Variants in ZKSCAN7 observed in about 807,000 individuals in gnomAD.
The protein encoded by ZKSCAN7 is zinc finger protein with KRAB and SCAN domains 7.
A neutral mutation model predicts 65.3 loss-of-function variants in ZKSCAN7; 38 were observed. The observed-to-expected ratio is 0.58, with a 90% CI of 0.45 to 0.76. ZKSCAN7 has a LOEUF of 0.76. Ranked by LOEUF, ZKSCAN7 falls within the 30% of genes least tolerant of loss-of-function variation. ZKSCAN7 has a pLI of 0.00. For missense variants in ZKSCAN7, 815 were observed against 913.3 expected (o/e 0.89, Z 1.39); for synonymous variants, 321 against 321.0 (o/e 1.00, Z 0.00).
At chr3:44,565,751 C>A (rs1699614592) in intron 3 of ZKSCAN7, 96 bp downstream of exon 3, 2 of 1,258,916 alleles carry the variant, frequency 1.6e-6, no homozygotes, top group Middle Eastern at 5.2e-4. Context: ...TCCATGGAAT[C>A]CCTCATTGCT....
intron 2 of ZKSCAN7, among the ~76,000 whole-genome samples, chr3:44,561,705 G>A (rs1235782584): frequency 3.3e-5 from 5 of 152,148 alleles, no homozygotes; most frequent in African/African-American, 1.2e-4. Flanking sequence ...GGGGTTACAT[G>A]TCCCATGCAA....
In ZKSCAN7 at chr3:44,571,199, G is replaced by C. The variant is rs755725885; in HGVS notation, c.2089G>C (p.Gly697Arg). The C allele has an allele frequency of 1.9e-6, 3 of 1,614,160 alleles. No individual in the cohort carries two copies. The Admixed American group carries it at 5.0e-5, about 27-fold the overall frequency. ...AAAACCCTATAAATGCAATGATTGTGGGAAAGCTTTTAGTGACAGCTCACA... is the reference window on the plus strand; with the variant it reads ...AAAACCCTATAAATGCAATGATTGTCGGAAAGCTTTTAGTGACAGCTCACA... Reference protein sequence around the residue: ...GEKPYKCNDCGKAFSDSSQLI... With the variant: ...GEKPYKCNDCRKAFSDSSQLI... The change falls in exon 6 of 6, where the codon GGG becomes CGG. Residue 697 changes from glycine to arginine, a missense_variant. Physicochemically the swap from Gly to Arg is moderately radical, Grantham distance 125 (BLOSUM62 -2). This residue lies in a region of ZKSCAN7 where 578 missense variants were observed against 629.5 expected (regional missense o/e 0.92). Transcript: ENST00000426540.
chr3:44,557,612 A>G, intron 2 of ZKSCAN7, 142 bp downstream of exon 2: 1 of 1,143,288 alleles, frequency 8.7e-7, no homozygotes, highest in East Asian at 2.6e-5. Flanking sequence ...GAGGGAAAAT[A>G]GTTTTGTGCT....
Position 44,555,238 on chromosome 3 carries a change from T to G in ZKSCAN7, c.-362T>G, listed in dbSNP as rs1379607166. 6 of 152,256 alleles carry G rather than the reference T, an allele frequency of 3.9e-5. No homozygotes were observed. The highest frequency in any genetic ancestry group is 3.9e-4 in the Admixed American group (6 of 15,292). The allele number at this position is 152,256 out of a possible 1,614,324, so 9.4% of individuals were successfully genotyped here. A position where few individuals can be genotyped will look rare whatever the true frequency, so the allele number is the denominator to read the frequency against. On this transcript the variant is annotated 5_prime_UTR_variant, in exon 1 of 6. Coordinates refer to ENST00000426540, the MANE Select transcript of ZKSCAN7 (RefSeq NM_001288590.2). ...TTTTGGTCTAACGGGCAGTAGAGTG[T>G]CCGGCTTCGGTGCCGAGTGCCACCG... is the stretch of plus-strand genomic sequence containing the variant.
downstream of ZKSCAN7, among the ~76,000 whole-genome samples, chr3:44,576,900 TGTGAAAGA>T (rs1366998402): frequency 4.6e-5 from 7 of 152,306 alleles, no homozygotes; most frequent in Non-Finnish European, 8.8e-5. Context: ...ATAGCTTGGT[TGTGAAAGA>T]ACTGAATGTG....
chr3:44,562,574 T>C (rs543127066), intron 2 of ZKSCAN7, among the ~76,000 whole-genome samples: 1 of 152,374 alleles, frequency 6.6e-6, no homozygotes, highest in African/African-American at 2.4e-5. Flanking sequence ...ATTTTTATGC[T>C]CTGCTTCCCT....
chr3:44,570,038 G>T lies in ZKSCAN7; in HGVS notation c.928G>T (p.Glu310Ter). 2.5e-6 allele frequency: 4 copies of T among 1,614,010 alleles called. No individual in the cohort carries two copies. Among genetic ancestry groups the T allele is most frequent in the Non-Finnish European group, 3.4e-6 (4 of 1,179,980 alleles). The part of the protein sequence containing the change: ...GLFGVVPGAA[E>*]TGDVCEDTFK... Reference sequence around the variant, plus strand: ...CTTTGGGGTGGTTCCTGGGGCAGCAGAGACTGGAGATGTTTGTGAAGATAC... The same window carrying T: ...CTTTGGGGTGGTTCCTGGGGCAGCATAGACTGGAGATGTTTGTGAAGATAC... The change falls in exon 6 of 6, where the codon GAG (glutamate) becomes TAG (stop). Residue 310 changes from glutamate (E) to a stop codon, truncating the protein, a stop_gained. Transcript: ENST00000426540. LOFTEE classifies it high-confidence loss of function.
At chr3:44,563,502 A>G (rs1391046256) in intron 2 of ZKSCAN7, among the ~76,000 whole-genome samples, 3 of 152,218 alleles carry the variant, frequency 2.0e-5, no homozygotes, top group South Asian at 2.1e-4. Context: ...ACTTAAAATC[A>G]TAGTGGAAGT....
In ZKSCAN7 at chr3:44,557,395, G is replaced by T. The variant is rs764595924; in HGVS notation, c.348G>T (p.Leu116=). The T allele has an allele frequency of 2.3e-5, 37 of 1,614,116 alleles. No homozygotes were observed. Among genetic ancestry groups the T allele is most frequent in the Non-Finnish European group, 3.1e-5 (36 of 1,180,048 alleles). Residue 116 remains leucine, a synonymous_variant, in exon 2 of 6, where the codon CTG becomes CTT. Transcript: ENST00000426540. ...LPGELRTWVQ[L]HHPESGEEAV... The stretch of plus-strand genomic sequence containing the variant: ...GGGAGCTCCGGACCTGGGTGCAGCT[G>T]CATCACCCTGAGAGTGGTGAGGAGG...
chr3:44,572,836 C>T (rs189516606), downstream of ZKSCAN7, among the ~76,000 whole-genome samples: 43 of 83,462 alleles, frequency 5.2e-4, no homozygotes, highest in East Asian at 6.0e-3. Context: ...GGCAACAGAG[C>T]GAGACTCTGT....
At chr3:44,575,861 A>G (rs1401685163), downstream of ZKSCAN7, among the ~76,000 whole-genome samples, 1 of 152,216 alleles carries the variant, frequency 6.6e-6, no homozygotes, top group African/African-American at 2.4e-5. Flanking sequence ...TACAGGCATG[A>G]GCCACTGCGC....
rs1264629028 is a variant in ZKSCAN7 at position 44,557,196 on chromosome 3, G to A, written c.149G>A (p.Cys50Tyr). 6.2e-7 allele frequency: 1 copy of A among 1,614,270 alleles called. No individual in the cohort carries two copies. The highest frequency in any genetic ancestry group is 8.5e-7 in the Non-Finnish European group (1 of 1,180,054). Residue 50 changes from cysteine (C) to tyrosine (Y), a missense_variant, in exon 2 of 6, where the codon TGC becomes TAC. This residue lies in a region of ZKSCAN7 where 227 missense variants were observed against 253.3 expected (regional missense o/e 0.90). Transcript: ENST00000426540. ...CTCCAGAAGAACTATCCTCCTGTCT[G>A]CGAAATCTTCCGGCTACACTTCAGG... is the stretch of plus-strand genomic sequence containing the variant. ...SSLQKNYPPV[C>Y]EIFRLHFRQL...
In ZKSCAN7 at chr3:44,571,195, T is replaced by C. The variant is rs752416169; in HGVS notation, c.2085T>C (p.Asp695=). 1.9e-6 allele frequency: 3 copies of C among 1,613,976 alleles called. No homozygotes were observed. Among genetic ancestry groups the C allele is most frequent in the Admixed American group, 1.7e-5 (1 of 60,002 alleles). The part of the protein sequence containing the change: ...HTGEKPYKCN[D]CGKAFSDSSQ... The stretch of plus-strand genomic sequence containing the variant: ...GGGAAAAACCCTATAAATGCAATGA[T>C]TGTGGGAAAGCTTTTAGTGACAGCT... Residue 695 remains aspartate (D), a synonymous_variant, in exon 6 of 6, where the codon GAT becomes GAC. Coordinates refer to ENST00000426540, the MANE Select transcript of ZKSCAN7 (RefSeq NM_001288590.2).
At chr3:44,563,749 TC>T (rs1490495761) in intron 2 of ZKSCAN7, among the ~76,000 whole-genome samples, 1 of 150,924 alleles carries the variant, frequency 6.6e-6, no homozygotes, top group African/African-American at 2.4e-5. Flanking sequence ...CATATCAAAG[TC>T]CTAGATAATG....
intron 5 of ZKSCAN7, among the ~76,000 whole-genome samples, chr3:44,568,774 G>A (rs1412922915): frequency 6.6e-6 from 1 of 152,232 alleles, no homozygotes; most frequent in African/African-American, 2.4e-5. Flanking sequence ...GTGGGAAGCA[G>A]GGCCTTGACC....
chr3:44,580,353 C>G, intron 5 of ZKSCAN7: 1 of 1,610,622 alleles, frequency 6.2e-7, no homozygotes, highest in African/African-American at 1.3e-5. Context: ...AGGAGGCTGG[C>G]TCTGGCTGGG....
intron 2 of ZKSCAN7, among the ~76,000 whole-genome samples, chr3:44,560,755 G>A (rs11922575): frequency 0.025 from 3,877 of 152,074 alleles, 107 homozygotes; most frequent in African/African-American, 0.066. Context: ...TGATCCTCCC[G>A]CCTCGTTCTC....
At chr3:44,572,346 TTGTGTGTGTG>T (rs3080634), downstream of ZKSCAN7, among the ~76,000 whole-genome samples, 568 of 143,746 alleles carry the variant, frequency 4.0e-3, 3 homozygotes, top group Middle Eastern at 0.014. Context: ...CGAATGGATT[TTGTGTGTGTG>T]TGTGTGTGTG....
downstream of ZKSCAN7, among the ~76,000 whole-genome samples, chr3:44,575,803 C>T (rs1318114859): frequency 6.6e-6 from 1 of 152,150 alleles, no homozygotes; most frequent in Non-Finnish European, 1.5e-5. Flanking sequence ...GTCTCGAATT[C>T]CCGACCTCAG....
Sources: allele counts gnomAD v4.1 joint callset (sites outside exome capture counted in the v4.1 genomes callset), GRCh38; gene constraint gnomAD v4.1.1; regional missense constraint gnomAD v4.1.1; transcripts MANE v1.5; gene names NCBI Gene and HGNC (gene_info 2026-07-23, HGNC 2026-07-21).